LAMP5: variants seen among roughly 807,000 people sequenced by gnomAD.
The protein encoded by LAMP5 is lysosome-associated membrane glycoprotein 5.
Under a neutral mutation model 30.2 loss-of-function variants are expected in LAMP5, and 36 were observed. The observed-to-expected ratio is 1.19, with a 90% confidence interval of 0.91 to 1.57. The LOEUF (loss-of-function observed/expected upper bound fraction) is 1.57. Among genes scored for constraint, LAMP5 ranks in the 40% most tolerant of loss-of-function variants. LAMP5 has a pLI of 0.00. For missense variants in LAMP5, 377 were observed against 354.9 expected, an observed-to-expected ratio of 1.06 and a Z score of -0.50; for synonymous variants, 149 against 134.6, an observed-to-expected ratio of 1.11 and a Z score of -0.74.
rs987563406 is a variant in LAMP5, at chr20:9,530,376, T to A, written c.*556T>A. The stretch of plus-strand genomic sequence containing the variant: ...TGGGAATGTTTCACTGCTACCCGCA[T>A]CCAGCGACTGCAGCACCAGAAAACG... On this transcript the variant is annotated 3_prime_UTR_variant, in exon 6 of 6. Transcript: ENST00000246070. The A allele has an allele frequency of 6.5e-6, 1 of 152,774 alleles. No individual in the cohort carries two copies. Among genetic ancestry groups the A allele is most frequent in the East Asian group, 1.9e-4 (1 of 5,204 alleles). The allele number at this position is 152,774 out of a possible 1,614,324, so 9.5% of individuals were successfully genotyped here.
chr20:9,514,695 T>G lies in LAMP5; in HGVS notation c.-158T>G. On this transcript the variant is annotated 5_prime_UTR_variant, in exon 1 of 6. Coordinates refer to ENST00000246070, the MANE Select transcript of LAMP5 (RefSeq NM_012261.4). ...TGTCGGTGCCGCGCTCGACACCGAG[T>G]CCTAGCTAGGCGCTCACAGAATACG... 1 of 616,180 alleles carries G rather than the reference T, an allele frequency of 1.6e-6. No homozygotes were observed. The highest frequency in any genetic ancestry group is 1.9e-5 in the South Asian group (1 of 52,682). 38.2% of individuals were successfully genotyped at this position (616,180 alleles called of 1,614,324 possible). A position where few individuals can be genotyped will look rare whatever the true frequency, so the allele number is the denominator to read the frequency against.
intron 5 of LAMP5, among the ~76,000 whole-genome samples, chr20:9,520,979 G>A (rs933899309): frequency 1.1e-4 from 17 of 152,164 alleles, no homozygotes; most frequent in African/African-American, 4.1e-4. Context: ...AGGTCTGGGA[G>A]TGGGCCCCAA....
At chr20:9,523,863 T>A (rs992897643) in intron 5 of LAMP5, among the ~76,000 whole-genome samples, 1 of 152,254 alleles carries the variant, frequency 6.6e-6, no homozygotes, top group Non-Finnish European at 1.5e-5. Context: ...GTGGGTTGCA[T>A]AATCAGTTTA....
intron 5 of LAMP5, among the ~76,000 whole-genome samples, chr20:9,519,965 G>T (rs1046193252): frequency 3.9e-5 from 6 of 152,270 alleles, no homozygotes; most frequent in South Asian, 2.1e-4. Context: ...TATAAAGTAA[G>T]AATAAATAAG....
In LAMP5 at chr20:9,516,021, A is replaced by G. The variant is rs1321183696; in HGVS notation, c.259A>G (p.Ile87Val). The change falls in exon 3 of 6, where the codon ATC becomes GTC. Residue 87 changes from isoleucine (I) to valine (V), a missense_variant. Coordinates refer to ENST00000246070, the MANE Select transcript of LAMP5 (RefSeq NM_012261.4). Reference protein sequence around the residue: ...YVDLITEQADIALTRGAEVKG... With the variant: ...YVDLITEQADVALTRGAEVKG... ...CCAGCTGATCACAGAACAGGCCGAT[A>G]TCGCATTGACCCGGGGAGCTGAGGT... 1.3e-6 allele frequency: 2 copies of G among 1,527,332 alleles called. No homozygotes were observed. The highest frequency in any genetic ancestry group is 2.3e-5 in the Admixed American group (1 of 44,244). 94.6% of individuals were successfully genotyped at this position (1,527,332 alleles called of 1,614,324 possible).
intron 5 of LAMP5, among the ~76,000 whole-genome samples, chr20:9,518,693 G>C (rs900075008): frequency 6.6e-6 from 1 of 152,244 alleles, no homozygotes; most frequent in African/African-American, 2.4e-5. Context: ...TTAATCTAGA[G>C]AGCTACAGAT....
At chr20:9,524,338 A>G (rs925918656) in intron 5 of LAMP5, among the ~76,000 whole-genome samples, 3 of 152,220 alleles carry the variant, frequency 2.0e-5, no homozygotes, top group African/African-American at 7.2e-5. Context: ...GGTCATGAGC[A>G]GCATTGTTTT....
chr20:9,522,188 T>C (rs1307421304), intron 5 of LAMP5, among the ~76,000 whole-genome samples: 1 of 152,140 alleles, frequency 6.6e-6, no homozygotes, highest in Non-Finnish European at 1.5e-5. Flanking sequence ...CAGAGTTTGT[T>C]GGGTACCCCC....
chr20:9,527,536 G>A (rs1208808295), intron 5 of LAMP5, among the ~76,000 whole-genome samples: 1 of 152,176 alleles, frequency 6.6e-6, no homozygotes, highest in African/African-American at 2.4e-5. Context: ...TGTCAATAGG[G>A]ATTCTGGAGG....
At chr20:9,529,050 T>A (rs1379584249) in intron 5 of LAMP5, among the ~76,000 whole-genome samples, 1 of 152,268 alleles carries the variant, frequency 6.6e-6, no homozygotes, top group Admixed American at 6.5e-5. Context: ...ATAAAGCTGC[T>A]ATGAACATTT....
chr20:9,523,219 C>G (rs1010119360), intron 5 of LAMP5, among the ~76,000 whole-genome samples: 2 of 152,100 alleles, frequency 1.3e-5, no homozygotes, highest in Non-Finnish European at 2.9e-5. Context: ...AGGGCCAGCA[C>G]AGGGAACATA....
chr20:9,526,866 A>G (rs1263706769), intron 5 of LAMP5, among the ~76,000 whole-genome samples: 1,304 of 67,732 alleles, frequency 0.019, 10 homozygotes, highest in African/African-American at 0.055. Context: ...GTGTGTATAT[A>G]TATATATATA....
At chr20:9,517,793 A>G (rs2045051730) in intron 4 of LAMP5, among the ~76,000 whole-genome samples, 1 of 152,082 alleles carries the variant, frequency 6.6e-6, no homozygotes, top group African/African-American at 2.4e-5. Flanking sequence ...TTGGGTTTTT[A>G]AGTATCATTC....
At chr20:9,521,303 G>A (rs908467311) in intron 5 of LAMP5, among the ~76,000 whole-genome samples, 1 of 152,158 alleles carries the variant, frequency 6.6e-6, no homozygotes, top group African/African-American at 2.4e-5. Context: ...GCAGTGCCTT[G>A]GAGCCTTAGA....
rs967244524 is a variant in LAMP5, at chr20:9,529,883, G to A, written c.*63G>A. 419 of 1,527,992 alleles carry A rather than the reference G, an allele frequency of 2.7e-4. 2 individuals carry two copies. Among genetic ancestry groups the A allele is most frequent in the Middle Eastern group, 9.1e-4 (5 of 5,510 alleles). 94.7% of individuals were successfully genotyped at this position (1,527,992 alleles called of 1,614,324 possible). A position where few individuals can be genotyped will look rare whatever the true frequency, so the allele number is the denominator to read the frequency against. ...AACTGGATCAGGTAGAACAACAAAA[G>A]CACTTTTCCATCTTGTACACGAGAT... On this transcript the variant is annotated 3_prime_UTR_variant, in exon 6 of 6. Coordinates refer to ENST00000246070, the MANE Select transcript of LAMP5 (RefSeq NM_012261.4).
At chr20:9,517,639 T>TGTGTGTGTGTGTGTGTGTGTG (rs1474402891) in intron 4 of LAMP5, among the ~76,000 whole-genome samples, 3 of 89,686 alleles carry the variant, frequency 3.3e-5, no homozygotes, top group Non-Finnish European at 6.8e-5. Context: ...GTGTGTGTAT[T>TGTGTGTGTGTGTGTGTGTGTG]TGTAGAGACA....
rs2045038994 is a variant in LAMP5, at chr20:9,516,287, C to T, written c.401C>T (p.Ala134Val). The change falls in exon 4 of 6, where the codon GCG becomes GTG. Residue 134 changes from alanine (A) to valine (V), a missense_variant. By Grantham distance (64) the Ala-to-Val change is moderately conservative. Transcript: ENST00000246070. ...ESHNMSKGPE[A>V]TWRLSKVQFV... ...CACAACATGTCCAAGGGACCTGAGG[C>T]GACTTGGAGGCTGAGCAAAGTGCAG... 1.9e-6 allele frequency: 3 copies of T among 1,614,156 alleles called. No individual in the cohort carries two copies. Among genetic ancestry groups the T allele is most frequent in the Non-Finnish European group, 2.5e-6 (3 of 1,180,030 alleles).
rs375242943 is a variant in LAMP5 at position 9,523,378 on chromosome 20, A to T, written c.664+5150A>T. Among the ~76,000 whole-genome samples the T allele has an allele frequency of 1.8e-4, 28 of 152,214 alleles. No homozygotes were observed. In the East Asian group the frequency reaches 3.7e-3, roughly 20 times the overall value. ...AGCAGAGAGCTTGCCTCTGCTTCCC[A>T]TTGCCTATCCCAATGCCATTCATTG... On this transcript the variant is annotated intron_variant, in intron 5 of 5. Coordinates refer to ENST00000246070, the MANE Select transcript of LAMP5 (RefSeq NM_012261.4).
At position 9,517,034 on chromosome 20, in the gene LAMP5, G is replaced by A. The variant is rs369576318; in HGVS notation, c.475+673G>A. On this transcript the variant is annotated intron_variant, in intron 4 of 5. Transcript: ENST00000246070. Reference sequence around the variant, plus strand: ...AAATTTATTTTATTCTTTATAAGTTGTCTATTTCACTCATAATGAGGCCCT... The same window carrying A: ...AAATTTATTTTATTCTTTATAAGTTATCTATTTCACTCATAATGAGGCCCT... Among the ~76,000 whole-genome samples, 102 of 152,240 alleles carry A rather than the reference G, an allele frequency of 6.7e-4. No homozygotes were observed. The South Asian group carries it at 0.013, about 20-fold the overall frequency.
Sources: allele counts gnomAD v4.1 joint callset (sites outside exome capture counted in the v4.1 genomes callset), GRCh38; gene constraint gnomAD v4.1.1; transcripts MANE v1.5; gene names NCBI Gene and HGNC (gene_info 2026-07-23, HGNC 2026-07-21).